Variants in ARHGAP15 observed in about 807,000 individuals in gnomAD.
ARHGAP15 encodes Rho GTPase activating protein 15, also known as rho GTPase-activating protein 15.
A neutral mutation model predicts 63.7 loss-of-function variants in ARHGAP15; 51 were observed. That is an observed-to-expected ratio of 0.80 (90% confidence interval 0.64 to 1.01). The LOEUF is 1.01. Ranked by LOEUF, ARHGAP15 falls within the 50% of genes least tolerant of loss-of-function variation. The pLI, the probability that ARHGAP15 is intolerant of heterozygous loss-of-function variation, is 0.00. For missense variants in ARHGAP15, 560 were observed against 564.6 expected (o/e 0.99, Z 0.08); for synonymous variants, 191 against 193.8 (o/e 0.99, Z 0.12).
chr2:143,146,345 CT>C (rs1359256059), intron 1 of ARHGAP15, among the ~76,000 whole-genome samples: 1 of 151,994 alleles, frequency 6.6e-6, no homozygotes, highest in Non-Finnish European at 1.5e-5. Flanking sequence ...TAGCAATCAT[CT>C]TTACAAATAA....
chr2:143,382,826 C>T (rs891892649), intron 6 of ARHGAP15, among the ~76,000 whole-genome samples: 1 of 152,082 alleles, frequency 6.6e-6, no homozygotes, highest in African/African-American at 2.4e-5. Context: ...TTTGAGAGTT[C>T]CCGTAGCAGA....
intron 6 of ARHGAP15, among the ~76,000 whole-genome samples, chr2:143,376,255 A>G (rs1031698004): frequency 2.2e-4 from 33 of 152,364 alleles, no homozygotes; most frequent in African/African-American, 7.2e-4. Context: ...TGAGCTAACC[A>G]GGAAAATCAA....
intron 13 of ARHGAP15, among the ~76,000 whole-genome samples, chr2:143,708,700 A>G (rs1038156400): frequency 1.3e-5 from 2 of 152,036 alleles, no homozygotes; most frequent in South Asian, 4.1e-4. Context: ...AGGCATAAGG[A>G]AATTGGAAAT....
At chr2:143,591,949 G>A (rs1419698051) in intron 11 of ARHGAP15, among the ~76,000 whole-genome samples, 1 of 151,834 alleles carries the variant, frequency 6.6e-6, no homozygotes, top group Non-Finnish European at 1.5e-5. Context: ...TCTATTTTGA[G>A]AAGGATTTTT....
chr2:143,449,513 C>T (rs1439364568), intron 8 of ARHGAP15, among the ~76,000 whole-genome samples: 1 of 151,860 alleles, frequency 6.6e-6, no homozygotes, highest in African/African-American at 2.4e-5. Flanking sequence ...TTCCCATTGG[C>T]CTTTCAGGTT....
chr2:143,224,228 G>A (rs919098074), intron 4 of ARHGAP15, among the ~76,000 whole-genome samples: 14 of 152,102 alleles, frequency 9.2e-5, no homozygotes, highest in Admixed American at 3.3e-4. Flanking sequence ...AGAAGTGTTC[G>A]ATAGTTAAGA....
At chr2:143,666,885 A>G (rs921816085) in intron 12 of ARHGAP15, among the ~76,000 whole-genome samples, 1 of 148,220 alleles carries the variant, frequency 6.7e-6, no homozygotes, top group Non-Finnish European at 1.5e-5. Context: ...ATCTCACACC[A>G]GTTAGAATGG....
At chr2:143,276,587 C>G (rs773816358) in intron 6 of ARHGAP15, among the ~76,000 whole-genome samples, 2 of 152,018 alleles carry the variant, frequency 1.3e-5, no homozygotes, top group Non-Finnish European at 2.9e-5. Context: ...CCTACATATT[C>G]CTTCTCTCAT....
intron 2 of ARHGAP15, among the ~76,000 whole-genome samples, chr2:143,168,578 G>A (rs1690641240): frequency 6.7e-6 from 1 of 149,770 alleles, no homozygotes; most frequent in South Asian, 2.1e-4. Context: ...TGTGGAAAAG[G>A]TGTTCTCTTG....
At chr2:143,376,504 A>G (rs1243821812) in intron 6 of ARHGAP15, among the ~76,000 whole-genome samples, 2 of 152,172 alleles carry the variant, frequency 1.3e-5, no homozygotes, top group Non-Finnish European at 2.9e-5. Context: ...AAAGCTTTGT[A>G]TATTATGAGC....
At chr2:143,462,101 A>G (rs567150302) in intron 8 of ARHGAP15, among the ~76,000 whole-genome samples, 17 of 152,278 alleles carry the variant, frequency 1.1e-4, no homozygotes, top group Non-Finnish European at 2.2e-4. Flanking sequence ...CGGAGGTTAC[A>G]GTGAGTCAAG....
chr2:143,403,562 A>G (rs1688074967), intron 6 of ARHGAP15, among the ~76,000 whole-genome samples: 1 of 151,934 alleles, frequency 6.6e-6, no homozygotes. Flanking sequence ...AACCCAAAAC[A>G]AAAACACAAC....
intron 12 of ARHGAP15, chr2:143,676,121 G>C (rs1390575114): frequency 6.3e-6 from 1 of 159,812 alleles, no homozygotes; most frequent in Non-Finnish European, 1.3e-5. Flanking sequence ...ACCTCTGCTA[G>C]CTTCAAACTT....
At chr2:143,510,942 G>A (rs747036197) in intron 9 of ARHGAP15, among the ~76,000 whole-genome samples, 6 of 152,140 alleles carry the variant, frequency 3.9e-5, no homozygotes, top group East Asian at 1.9e-4. Flanking sequence ...TGATAAAACC[G>A]TCACATTATT....
chr2:143,485,822 T>C (rs1692298603), intron 8 of ARHGAP15, among the ~76,000 whole-genome samples: 1 of 152,204 alleles, frequency 6.6e-6, no homozygotes, highest in African/African-American at 2.4e-5. Context: ...TAAAGTAATA[T>C]AAAGTATTAC....
At chr2:143,362,874 T>C (rs1165718546) in intron 6 of ARHGAP15, among the ~76,000 whole-genome samples, 1 of 152,216 alleles carries the variant, frequency 6.6e-6, no homozygotes, top group African/African-American at 2.4e-5. Context: ...TAAGCAATCA[T>C]GGTCCATGTC....
At chr2:143,369,217 A>G (rs1231633747) in intron 6 of ARHGAP15, among the ~76,000 whole-genome samples, 1 of 152,116 alleles carries the variant, frequency 6.6e-6, no homozygotes, top group Non-Finnish European at 1.5e-5. Flanking sequence ...TGTTCATCTC[A>G]TTTCCATAAT....
chr2:143,222,489 G>A (rs1049305316), intron 4 of ARHGAP15, among the ~76,000 whole-genome samples: 9 of 152,216 alleles, frequency 5.9e-5, no homozygotes, highest in African/African-American at 2.2e-4. Flanking sequence ...GCAAATGAAT[G>A]TGTTAAACCC....
At chr2:143,450,114 T>TTTG (rs1443985039) in intron 8 of ARHGAP15, among the ~76,000 whole-genome samples, 1 of 151,436 alleles carries the variant, frequency 6.6e-6, no homozygotes, top group African/African-American at 2.4e-5. Flanking sequence ...TTTTTTTTTT[T>TTTG]TCCTAGTAGG....
Sources: gnomAD v4.1 joint callset for allele counts (sites outside exome capture counted in the v4.1 genomes callset) on GRCh38, gnomAD v4.1.1 for gene constraint, MANE v1.5 for transcripts, NCBI Gene and HGNC (gene_info 2026-07-23, HGNC 2026-07-21) for gene names.